GLRA2: variants seen among roughly 807,000 people sequenced by gnomAD.
GLRA2 encodes glycine receptor alpha 2.
GLRA2 carries 11 observed loss-of-function variants against 31.6 expected under a neutral mutation model. That is an observed-to-expected ratio of 0.35 (90% CI 0.22 to 0.58). GLRA2 has a LOEUF of 0.58. GLRA2 is among the 20% of genes least tolerant of loss of function. GLRA2 has a pLI of 0.84. For synonymous variants in GLRA2, 132 were observed against 134.0 expected (o/e 0.99, Z 0.10); for missense variants, 212 against 351.8 (o/e 0.60, Z 3.18).
the GLRA2 span, among the ~76,000 whole-genome samples, chrX:14,476,911 G>A: frequency 8.9e-6 from 1 of 112,030 alleles, no homozygotes; most frequent in East Asian, 2.8e-4. Context: ...TGTGAAGAAA[G>A]AGGAAGGAAG....
chrX:14,545,522 C>T (rs1455608421), intron 2 of GLRA2, among the ~76,000 whole-genome samples: 6 of 111,496 alleles, frequency 5.4e-5, no homozygotes, highest in Non-Finnish European at 9.4e-5. Flanking sequence ...CTTTGGGGGA[C>T]ACATTAAAAC....
the GLRA2 span, among the ~76,000 whole-genome samples, chrX:14,493,108 T>C: frequency 9.0e-6 from 1 of 111,304 alleles, no homozygotes; most frequent in Non-Finnish European, 1.9e-5. Context: ...AGCTCTAATA[T>C]ATGAATTTTG....
chrX:14,698,766 T>A (rs183075073), intron 8 of GLRA2, among the ~76,000 whole-genome samples: 1 of 105,638 alleles, frequency 9.5e-6, no homozygotes, highest in East Asian at 3.0e-4. Flanking sequence ...GAAACTGACC[T>A]CTGAAATAAC....
chrX:14,701,854 G>C (rs182192677), intron 8 of GLRA2, among the ~76,000 whole-genome samples: 1 of 112,462 alleles, frequency 8.9e-6, no homozygotes, highest in East Asian at 2.8e-4. Context: ...AAATGAGAAA[G>C]AAAACTTGTA....
chrX:14,667,458 A>G (rs1254623292), intron 7 of GLRA2, among the ~76,000 whole-genome samples: 1 of 111,898 alleles, frequency 8.9e-6, no homozygotes, highest in African/African-American at 3.2e-5. Context: ...GCTTTGTTCT[A>G]ATTAAACTGT....
chrX:14,585,779 G>T (rs750116507), intron 4 of GLRA2, among the ~76,000 whole-genome samples: 32 of 111,999 alleles, frequency 2.9e-4, no homozygotes, highest in Admixed American at 6.6e-4. Context: ...ATGAAGAAAG[G>T]TTGGGAAAGA....
At chrX:14,670,574 G>A (rs946193960) in intron 7 of GLRA2, among the ~76,000 whole-genome samples, 1 of 111,348 alleles carries the variant, frequency 9.0e-6, no homozygotes, top group African/African-American at 3.3e-5. Context: ...ACGGCAGCAG[G>A]CAAAAGAGAG....
At chrX:14,598,967 A>C (rs1396201135) in intron 4 of GLRA2, among the ~76,000 whole-genome samples, 1 of 112,449 alleles carries the variant, frequency 8.9e-6, no homozygotes, top group Non-Finnish European at 1.9e-5. Flanking sequence ...AGTGAGGTAT[A>C]AACCCAAGAG....
intron 7 of GLRA2, among the ~76,000 whole-genome samples, chrX:14,622,422 C>A (rs1434745714): frequency 8.9e-6 from 1 of 111,859 alleles, no homozygotes; most frequent in Non-Finnish European, 1.9e-5. Context: ...GTGTTTTAGT[C>A]ATGAAGACCT....
At chrX:14,489,075 T>C in the GLRA2 span, among the ~76,000 whole-genome samples, 1 of 112,314 alleles carries the variant, frequency 8.9e-6, no homozygotes, top group East Asian at 2.8e-4. Context: ...CAGATCTTCC[T>C]GTATATGGAC....
At chrX:14,679,209 G>C (rs2091174448) in intron 7 of GLRA2, among the ~76,000 whole-genome samples, 1 of 110,250 alleles carries the variant, frequency 9.1e-6, no homozygotes, top group Non-Finnish European at 1.9e-5. Context: ...AACTGAGGAG[G>C]AGAGTTCAAG....
At chrX:14,597,541 C>T (rs1211897325) in intron 4 of GLRA2, among the ~76,000 whole-genome samples, 1 of 111,039 alleles carries the variant, frequency 9.0e-6, no homozygotes, top group Non-Finnish European at 1.9e-5. Context: ...ACCCAGGTTT[C>T]TGGGTTGCCG....
chrX:14,583,843 G>A (rs920653051), intron 4 of GLRA2, among the ~76,000 whole-genome samples: 3 of 112,107 alleles, frequency 2.7e-5, no homozygotes, highest in African/African-American at 9.7e-5. Flanking sequence ...ATCCTTTGCA[G>A]CAACATGGTT....
At chrX:14,548,106 C>T (rs1166465506) in intron 2 of GLRA2, among the ~76,000 whole-genome samples, 1 of 111,923 alleles carries the variant, frequency 8.9e-6, no homozygotes, top group Non-Finnish European at 1.9e-5. Context: ...TATGTATCAT[C>T]TCATTTGACT....
the GLRA2 span, among the ~76,000 whole-genome samples, chrX:14,496,432 T>A: frequency 9.0e-6 from 1 of 111,720 alleles, no homozygotes; most frequent in Admixed American, 9.5e-5. Flanking sequence ...CCATTTTCAA[T>A]GCATTTATCA....
At chrX:14,729,395 C>G (rs1448407087) in intron 8 of GLRA2, among the ~76,000 whole-genome samples, 1 of 111,230 alleles carries the variant, frequency 9.0e-6, no homozygotes, top group African/African-American at 3.3e-5. Context: ...TTGACCCAAA[C>G]ACATACCCAG....
At chrX:14,617,790 G>A (rs1340348725) in intron 7 of GLRA2, among the ~76,000 whole-genome samples, 1 of 111,682 alleles carries the variant, frequency 9.0e-6, no homozygotes, top group African/African-American at 3.3e-5. Context: ...CCAAAGAATC[G>A]TGAACAAATA....
intron 4 of GLRA2, among the ~76,000 whole-genome samples, chrX:14,600,033 A>C (rs928199111): frequency 9.0e-6 from 1 of 111,137 alleles, no homozygotes; most frequent in African/African-American, 3.3e-5. Context: ...CTAGAAAGGA[A>C]ATTAGAAAAA....
chrX:14,508,726 C>A, the GLRA2 span, among the ~76,000 whole-genome samples: 1 of 111,652 alleles, frequency 9.0e-6, no homozygotes, highest in Non-Finnish European at 1.9e-5. Flanking sequence ...AGTAGGCATT[C>A]AATCAAATAT....
Sources: gnomAD v4.1 joint callset for allele counts (sites outside exome capture counted in the v4.1 genomes callset) on GRCh38, gnomAD v4.1.1 for gene constraint, MANE v1.5 for transcripts, NCBI Gene and HGNC (gene_info 2026-07-23, HGNC 2026-07-21) for gene names.